Variants in PLEKHA2 observed in about 807,000 individuals in gnomAD.
The protein encoded by PLEKHA2 is pleckstrin homology domain containing A2.
Under a neutral mutation model 53.2 loss-of-function variants are expected in PLEKHA2, and 28 were observed. That is an observed-to-expected ratio of 0.53 (90% CI 0.39 to 0.72). The LOEUF (loss-of-function observed/expected upper bound fraction) is 0.72, where lower values mean the gene tolerates loss of function less well. Ranked by LOEUF, PLEKHA2 falls within the 30% of genes least tolerant of loss-of-function variation. The pLI, the probability that PLEKHA2 is intolerant of heterozygous loss-of-function variation, is 0.00. For missense variants in PLEKHA2, 426 were observed against 537.9 expected (o/e 0.79, Z 2.06); for synonymous variants, 193 against 196.4 (o/e 0.98, Z 0.14).
chr8:38,967,591 G>A (rs1451802256), intron 10 of PLEKHA2, among the ~76,000 whole-genome samples: 1 of 151,776 alleles, frequency 6.6e-6, no homozygotes, highest in Non-Finnish European at 1.5e-5. Flanking sequence ...ATTAGGGATA[G>A]TGAACATTTT....
chr8:38,957,246 A>G (rs2129423350), intron 9 of PLEKHA2, 77 bp from the exon 10 acceptor site: 1 of 1,157,312 alleles, frequency 8.6e-7, no homozygotes. Context: ...GGTAGAGGGC[A>G]CTGGGGTCTT....
intron 9 of PLEKHA2, among the ~76,000 whole-genome samples, chr8:38,954,419 A>C (rs1427313542): frequency 1.3e-5 from 2 of 152,088 alleles, no homozygotes; most frequent in Non-Finnish European, 2.9e-5. Context: ...ATTGTACTTG[A>C]CCCTGGAGGG....
intron 7 of PLEKHA2, 82 bp from the exon 8 acceptor site, chr8:38,952,554 C>T: frequency 6.8e-7 from 1 of 1,473,300 alleles, no homozygotes; most frequent in East Asian, 2.4e-5. Context: ...GGGGCTGGGT[C>T]CTTGGGAGCT....
intron 10 of PLEKHA2, 92 bp from the exon 11 acceptor site, chr8:38,968,500 G>C (rs1835181301): frequency 1.6e-6 from 2 of 1,255,396 alleles, no homozygotes; most frequent in Admixed American, 1.8e-5. Flanking sequence ...CCCTAATGGT[G>C]TAATTTTATA....
rs181598010 is a variant in PLEKHA2, at chr8:38,938,629, G to A, written c.198+2579G>A. ...TGAGCTGTGGAGCAGCCCTGTCTGC[G>A]TCACTCTACGGGGGACCTGTGCCCA... On this transcript the variant is annotated intron_variant, in intron 3 of 11. Transcript: ENST00000617275. 6.6e-5 allele frequency among the ~76,000 whole-genome samples: 10 copies of A among 152,320 alleles called. No individual in the cohort carries two copies. The South Asian group carries it at 1.5e-3, about 22-fold the overall frequency.
intron 10 of PLEKHA2, among the ~76,000 whole-genome samples, chr8:38,964,293 A>C (rs985579735): frequency 6.6e-6 from 1 of 152,210 alleles, no homozygotes; most frequent in Non-Finnish European, 1.5e-5. Flanking sequence ...GTACTGGTCC[A>C]TGGCCTGTTA....
intron 3 of PLEKHA2, among the ~76,000 whole-genome samples, chr8:38,940,255 C>G (rs1028483199): frequency 1.3e-5 from 2 of 151,902 alleles, no homozygotes; most frequent in African/African-American, 4.8e-5. Flanking sequence ...AAACATTAGC[C>G]AGGTGTGGTG....
At chr8:38,952,515 C>A in intron 7 of PLEKHA2, 121 bp from the exon 8 acceptor site, 1 of 1,332,958 alleles carries the variant, frequency 7.5e-7, no homozygotes, top group Non-Finnish European at 1.0e-6. Flanking sequence ...AGCCCTTGCC[C>A]CTGCTGAATG....
intron 2 of PLEKHA2, among the ~76,000 whole-genome samples, chr8:38,921,353 C>G (rs184006165): frequency 6.6e-6 from 1 of 152,260 alleles, no homozygotes; most frequent in African/African-American, 2.4e-5. Flanking sequence ...TTTACCCGAA[C>G]TGACTTGCTT....
chr8:38,946,222 G>GT lies in PLEKHA2; in HGVS notation c.345+2dup. On this transcript the variant is annotated splice_donor_variant, in intron 5 of 11. Transcript: ENST00000617275. LOFTEE classifies it high-confidence loss of function. ...CCTGAACCAAGCCAGCAAGATCACC[G>GT]TAAGTTTGGTTTCTTCTGTTTTCTG... The GT allele has an allele frequency of 1.3e-6, 2 of 1,594,240 alleles. No homozygotes were observed. The highest frequency in any genetic ancestry group is 1.7e-6 in the Non-Finnish European group (2 of 1,169,474).
rs753140906 is a variant in PLEKHA2, at chr8:38,917,900, C to T, written c.-23-7C>T. 4.1e-5 allele frequency: 66 copies of T among 1,609,782 alleles called. No individual in the cohort carries two copies. The highest frequency in any genetic ancestry group is 4.5e-5 in the Non-Finnish European group (53 of 1,177,066). ...CCTTCTCATCAGCACCTCCCTCCTG[C>T]GCGCAGGGTGATGTGAGCAGAGCCC... On this transcript the variant is annotated splice_region_variant and splice_polypyrimidine_tract_variant and intron_variant, in intron 1 of 11. Transcript: ENST00000617275.
chr8:38,953,299 C>A lies in PLEKHA2; in HGVS notation c.705C>A (p.Asp235Glu). The change falls in exon 9 of 12, where the codon GAC becomes GAA. Residue 235 changes from aspartate (D) to glutamate (E), a missense_variant and splice_region_variant. Asp to Glu is a conservative substitution (Grantham distance 45). Coordinates refer to ENST00000617275, the MANE Select transcript of PLEKHA2 (RefSeq NM_021623.2). ...TGTCTTTCTGTTCTTTCCACCAGGA[C>A]CGAGAACCACTGCGCACCATATTTC... is the stretch of plus-strand genomic sequence containing the variant. ...FTICYFKCEQ[D>E]REPLRTIFLK... 6.2e-7 allele frequency: 1 copy of A among 1,612,180 alleles called. No individual in the cohort carries two copies. Among genetic ancestry groups the A allele is most frequent in the Non-Finnish European group, 8.5e-7 (1 of 1,178,212 alleles).
chr8:38,919,671 A>G (rs1834143937), intron 2 of PLEKHA2, among the ~76,000 whole-genome samples: 1 of 152,214 alleles, frequency 6.6e-6, no homozygotes, highest in African/African-American at 2.4e-5. Context: ...TTTGTCTTCT[A>G]GATTTGATGA....
chr8:38,951,863 T>C (rs1028100136), intron 6 of PLEKHA2, among the ~76,000 whole-genome samples: 5 of 152,138 alleles, frequency 3.3e-5, no homozygotes, highest in African/African-American at 1.2e-4. Context: ...TGGGTAATTC[T>C]TTTTTTTAAT....
At chr8:38,950,067 A>G (rs1279741982) in intron 5 of PLEKHA2, among the ~76,000 whole-genome samples, 2 of 151,902 alleles carry the variant, frequency 1.3e-5, no homozygotes, top group Non-Finnish European at 2.9e-5. Flanking sequence ...TTTTTTCGAG[A>G]CAGGGTCTCT....
chr8:38,909,983 G>T, intron 1 of PLEKHA2, among the ~76,000 whole-genome samples: 1 of 143,636 alleles, frequency 7.0e-6, no homozygotes. Flanking sequence ...TTGAGATGGA[G>T]TCTCACTCTG....
intron 9 of PLEKHA2, 51 bp from the exon 10 acceptor site, chr8:38,957,272 C>T: frequency 6.8e-7 from 1 of 1,468,026 alleles, no homozygotes; most frequent in Admixed American, 1.7e-5. Flanking sequence ...ATATCGAGTC[C>T]TCTCTGAGTA....
At chr8:38,955,264 T>A (rs1233986360) in intron 9 of PLEKHA2, among the ~76,000 whole-genome samples, 1 of 152,168 alleles carries the variant, frequency 6.6e-6, no homozygotes, top group African/African-American at 2.4e-5. Context: ...ATTTCCCACC[T>A]GCTTTTCTTT....
chr8:38,961,858 T>C (rs1448221339), intron 10 of PLEKHA2, among the ~76,000 whole-genome samples: 1 of 152,232 alleles, frequency 6.6e-6, no homozygotes. Flanking sequence ...TATTTACGTA[T>C]AATTTGTACC....
Sources: allele counts gnomAD v4.1 joint callset (sites outside exome capture counted in the v4.1 genomes callset), GRCh38; gene constraint gnomAD v4.1.1; transcripts MANE v1.5; gene names NCBI Gene and HGNC (gene_info 2026-07-23, HGNC 2026-07-21).